SMARCA4: variants seen among roughly 807,000 people sequenced by gnomAD.
SMARCA4 encodes SWI/SNF related BAF chromatin remodeling complex subunit ATPase 4.
A neutral mutation model predicts 193.9 loss-of-function variants in SMARCA4; 31 were observed. That is an observed-to-expected ratio of 0.16 (90% confidence interval 0.12 to 0.22). The LOEUF (loss-of-function observed/expected upper bound fraction) is 0.22, where lower values mean the gene tolerates loss of function less well. Ranked by LOEUF, SMARCA4 falls within the 10% of genes least tolerant of loss-of-function variation. The pLI, the probability that SMARCA4 is intolerant of heterozygous loss-of-function variation, is 1.00. For missense variants in SMARCA4, 1,148 were observed against 2,296.0 expected (o/e 0.50, Z 10.22); for synonymous variants, 942 against 933.1 (o/e 1.01, Z -0.17).
Position 11,055,495 on chromosome 19 carries a change from G to GT in SMARCA4, c.4425-2750dup, listed in dbSNP as rs963909174. Among the ~76,000 whole-genome samples, 518 of 148,920 alleles carry GT rather than the reference G, an allele frequency of 3.5e-3. 6 individuals carry two copies. The highest frequency in any genetic ancestry group is 0.024 in the Middle Eastern group (7 of 286). On this transcript the variant is annotated intron_variant, in intron 30 of 34. Transcript: ENST00000344626. ...GAGCCACTGCGCCCAGCCGCACCTT[G>GT]TTTTTTTTTTGCTGCCTGTAGCTGT...
chr19:10,965,175 T>A (rs1194325465), intron 1 of SMARCA4: 1 of 152,282 alleles, frequency 6.6e-6, no homozygotes, highest in African/African-American at 2.4e-5. Flanking sequence ...CAAGCATGCA[T>A]TGAGCGCCTG....
chr19:11,006,518 A>G (rs186376537), intron 13 of SMARCA4, among the ~76,000 whole-genome samples: 1 of 152,282 alleles, frequency 6.6e-6, no homozygotes, highest in East Asian at 1.9e-4. Flanking sequence ...TGGGAGGGCA[A>G]GTTGGGTGGA....
chr19:10,973,215 G>C (rs1176303156), intron 1 of SMARCA4, among the ~76,000 whole-genome samples: 1 of 152,082 alleles, frequency 6.6e-6, no homozygotes, highest in Non-Finnish European at 1.5e-5. Flanking sequence ...GTTTCTGCTG[G>C]GTCACATTGT....
chr19:11,045,901 G>GT (rs1257430765), intron 30 of SMARCA4, among the ~76,000 whole-genome samples: 1 of 152,000 alleles, frequency 6.6e-6, no homozygotes, highest in African/African-American at 2.4e-5. Context: ...GGCCAACATA[G>GT]TGAGACTCTG....
chr19:10,988,797 C>T (rs1453714602), intron 6 of SMARCA4, among the ~76,000 whole-genome samples: 1 of 152,140 alleles, frequency 6.6e-6, no homozygotes. Context: ...AGTGCTAAGG[C>T]CCTGCACTTA....
chr19:10,976,833 T>C (rs2085171577), intron 1 of SMARCA4, among the ~76,000 whole-genome samples: 1 of 150,118 alleles, frequency 6.7e-6, no homozygotes. Context: ...GGCAGGCGGA[T>C]TGCCTGAGCT....
intron 11 of SMARCA4, among the ~76,000 whole-genome samples, chr19:10,999,991 C>G (rs1568449718): frequency 1.3e-5 from 2 of 151,626 alleles, no homozygotes; most frequent in Non-Finnish European, 2.9e-5. Flanking sequence ...TTTGGGAGGC[C>G]AAGGTGGGCG....
At chr19:11,047,947 T>C (rs764094243) in intron 30 of SMARCA4, among the ~76,000 whole-genome samples, 1 of 152,104 alleles carries the variant, frequency 6.6e-6, no homozygotes, top group Non-Finnish European at 1.5e-5. Flanking sequence ...TGGGGCGAAG[T>C]TACATTCTTT....
intron 8 of SMARCA4, among the ~76,000 whole-genome samples, chr19:10,994,031 T>C (rs1015371385): frequency 4.6e-5 from 7 of 151,940 alleles, no homozygotes; most frequent in Admixed American, 2.6e-4. Context: ...GTCTCGTTTT[T>C]ATTTTATGTA....
intron 1 of SMARCA4, among the ~76,000 whole-genome samples, chr19:10,982,692 G>A (rs56385993): frequency 0.2 from 30,158 of 151,596 alleles, 3,204 homozygotes; most frequent in South Asian, 0.25. Flanking sequence ...TTTTAGTAGA[G>A]ACAGGGTTTC....
intron 14 of SMARCA4, among the ~76,000 whole-genome samples, chr19:11,010,085 CAA>C (rs2088674265): frequency 6.6e-6 from 1 of 151,964 alleles, no homozygotes; most frequent in South Asian, 2.1e-4. Context: ...TTCAGCCTCC[CAA>C]AGTGTTGAAA....
chr19:10,981,545 T>A (rs1160203022), intron 1 of SMARCA4, among the ~76,000 whole-genome samples: 1 of 152,212 alleles, frequency 6.6e-6, no homozygotes, highest in East Asian at 1.9e-4. Flanking sequence ...TTTGTTTATG[T>A]CAGGGGCCAT....
chr19:10,999,237 A>G (rs2087390018), intron 11 of SMARCA4, among the ~76,000 whole-genome samples: 1 of 152,146 alleles, frequency 6.6e-6, no homozygotes, highest in Non-Finnish European at 1.5e-5. Flanking sequence ...GAATATTTAC[A>G]TGCCAAGATC....
At chr19:10,964,300 ACTTT>A (rs910998465) in intron 1 of SMARCA4, among the ~76,000 whole-genome samples, 47 of 151,122 alleles carry the variant, frequency 3.1e-4, no homozygotes, top group East Asian at 3.9e-4. Flanking sequence ...GTCTGGTGGA[ACTTT>A]CTTTCTTTCT....
Position 10,987,584 on chromosome 19 carries a change from A to AGCAGCTCAGC in SMARCA4, c.860-81_860-72dup. On this transcript the variant is annotated intron_variant, in intron 5 of 34. Transcript: ENST00000344626. This position sits in a 1 kb window ranked among gnomAD's most constrained non-coding sequence, Gnocchi z 5.3. ...GGGTCTGCCTGTCCCCAGTGCCTCA[A>AGCAGCTCAGC]GCAGCTCAGCAGCTTTCCATTTCCA... 6.5e-7 allele frequency: 1 copy of AGCAGCTCAGC among 1,539,830 alleles called. No homozygotes were observed. The highest frequency in any genetic ancestry group is 9.0e-7 in the Non-Finnish European group (1 of 1,114,822).
chr19:11,053,034 G>C (rs936910360), intron 30 of SMARCA4, among the ~76,000 whole-genome samples: 2 of 152,310 alleles, frequency 1.3e-5, no homozygotes, highest in Non-Finnish European at 2.9e-5. Flanking sequence ...CTTGCCTCCA[G>C]ATATAGGGCA....
In SMARCA4 at chr19:11,034,503, C is replaced by T. The variant is rs563883901; in HGVS notation, c.3951+303C>T. 6.6e-6 allele frequency among the ~76,000 whole-genome samples: 1 copy of T among 152,288 alleles called. No individual in the cohort carries two copies. The highest frequency in any genetic ancestry group is 6.5e-5 in the Admixed American group (1 of 15,300). ...GCACTCCCTTTCAGAGGGAGTTCGC[C>T]CTATCCAAGGCCAAGGGACTGACCA... On this transcript the variant is annotated intron_variant, in intron 28 of 34. Transcript: ENST00000344626. The surrounding 1 kb of genome is among the most constrained non-coding windows in gnomAD (Gnocchi z 7.0).
intron 1 of SMARCA4, among the ~76,000 whole-genome samples, chr19:10,976,284 A>G (rs571282707): frequency 6.6e-6 from 1 of 152,248 alleles, no homozygotes; most frequent in South Asian, 2.1e-4. Flanking sequence ...CTTCCCGTGT[A>G]GACATCTCGC....
intron 1 of SMARCA4, among the ~76,000 whole-genome samples, chr19:10,971,846 G>A (rs1375797215): frequency 6.7e-6 from 1 of 150,310 alleles, no homozygotes; most frequent in Non-Finnish European, 1.5e-5. Context: ...GCAATGGTGC[G>A]ATCTTGGCTC....
Sources: allele counts gnomAD v4.1 joint callset (sites outside exome capture counted in the v4.1 genomes callset), GRCh38; gene constraint gnomAD v4.1.1; non-coding constraint Gnocchi (gnomAD v3.1); transcripts MANE v1.5; gene names NCBI Gene and HGNC (gene_info 2026-07-23, HGNC 2026-07-21).